NKD1: variants seen among roughly 807,000 people sequenced by gnomAD.
NKD1 encodes NKD inhibitor of Wnt signaling pathway 1.
NKD1 carries 21 observed loss-of-function variants against 56.0 expected under a neutral mutation model. The ratio of observed to expected loss-of-function variants is 0.38; its 90% CI spans 0.27 to 0.54. The LOEUF is 0.54. Among genes scored for constraint, NKD1 ranks in the 20% least tolerant of loss-of-function variants. The probability of loss-of-function intolerance (pLI) is 0.82; values close to 1 mark genes in which losing one functional copy is unlikely to be tolerated. For synonymous variants in NKD1, 263 were observed against 265.7 expected, an observed-to-expected ratio of 0.99 and a Z score of 0.10; for missense variants, 578 against 642.7, an observed-to-expected ratio of 0.90 and a Z score of 1.09.
chr16:50,549,331 C>A (rs1159275470), intron 2 of NKD1, 91 bp from the exon 3 acceptor site: 4 of 1,498,702 alleles, frequency 2.7e-6, no homozygotes, highest in South Asian at 1.3e-5. Flanking sequence ...CGTGGTCCTT[C>A]GCCTCCCACC....
chr16:50,576,099 T>C (rs1274410895), intron 3 of NKD1, among the ~76,000 whole-genome samples: 1 of 152,246 alleles, frequency 6.6e-6, no homozygotes, highest in Non-Finnish European at 1.5e-5. Context: ...GATTCTGAGT[T>C]CCCAGAATTG....
Position 50,600,751 on chromosome 16 carries a change from C to A in NKD1, c.193-7543C>A, listed in dbSNP as rs146669325. The stretch of plus-strand genomic sequence containing the variant: ...AACCCGTCTCTAGGGATTATGAGTA[C>A]CCTGTCGGGTCTCAGGCCTGAGGGC... On this transcript the variant is annotated intron_variant, in intron 3 of 9. Coordinates refer to ENST00000268459, the MANE Select transcript of NKD1 (RefSeq NM_033119.5). Among the ~76,000 whole-genome samples, 1,241 of 152,194 alleles carry A rather than the reference C, an allele frequency of 8.2e-3. 10 individuals are homozygous for A. Among genetic ancestry groups the A allele is most frequent in the Middle Eastern group, 0.017 (5 of 294 alleles).
At chr16:50,625,780 C>T (rs970790481) in intron 6 of NKD1, among the ~76,000 whole-genome samples, 200 bp downstream of exon 6, 1 of 152,228 alleles carries the variant, frequency 6.6e-6, no homozygotes, top group Non-Finnish European at 1.5e-5. Context: ...GAAGAGAAGA[C>T]AGGGAGGGAA....
chr16:50,621,628 G>A lies in NKD1; in HGVS notation c.286G>A (p.Gly96Arg), dbSNP rs1374139269. 4.3e-6 allele frequency: 7 copies of A among 1,613,916 alleles called. No homozygotes were observed. The highest frequency in any genetic ancestry group is 1.1e-5 in the South Asian group (1 of 91,022). The change falls in exon 5 of 10, where the codon GGG (glycine) becomes AGG (arginine). Residue 96 changes from glycine to arginine, a missense_variant. Physicochemically the swap from Gly to Arg is moderately radical, Grantham distance 125 (BLOSUM62 -2). Transcript: ENST00000268459. Reference sequence around the variant, plus strand: ...GGCCCTGCCTCCTGAGAAGACTGACGGGCTGGGCAGCGGAGATGAGAAGAA... The same window carrying A: ...GGCCCTGCCTCCTGAGAAGACTGACAGGCTGGGCAGCGGAGATGAGAAGAA... ...EVALPPEKTD[G>R]LGSGDEKKME...
intron 3 of NKD1, among the ~76,000 whole-genome samples, chr16:50,603,785 G>C: frequency 6.6e-6 from 1 of 152,218 alleles, no homozygotes; most frequent in East Asian, 1.9e-4. Flanking sequence ...CTGGATTCTG[G>C]GCTCTGGACT....
intron 3 of NKD1, among the ~76,000 whole-genome samples, chr16:50,565,808 C>T (rs1960746573): frequency 6.6e-6 from 1 of 152,228 alleles, no homozygotes; most frequent in Non-Finnish European, 1.5e-5. Flanking sequence ...TTAAACTTAT[C>T]TTGGAAATCA....
At chr16:50,552,848 G>C (rs1479314823) in intron 3 of NKD1, among the ~76,000 whole-genome samples, 3 of 152,218 alleles carry the variant, frequency 2.0e-5, no homozygotes, top group Admixed American at 2.0e-4. Context: ...GAGGCTCTCT[G>C]CCTCCCCCAC....
chr16:50,569,234 T>C (rs1177962568), intron 3 of NKD1, among the ~76,000 whole-genome samples: 1 of 152,222 alleles, frequency 6.6e-6, no homozygotes, highest in African/African-American at 2.4e-5. Flanking sequence ...CCTCATACCA[T>C]GCGCTGTGCA....
chr16:50,574,512 T>C, intron 3 of NKD1: 1 of 985,428 alleles, frequency 1.0e-6, no homozygotes, highest in Non-Finnish European at 1.2e-6. Context: ...CTGCTGCTGG[T>C]GGCCGAGGCC....
At chr16:50,581,819 A>G (rs1486814078) in intron 3 of NKD1, among the ~76,000 whole-genome samples, 1 of 152,168 alleles carries the variant, frequency 6.6e-6, no homozygotes, top group Non-Finnish European at 1.5e-5. Context: ...GGAGGGCAGA[A>G]TTGTGTGTGT....
At position 50,637,120 on chromosome 16, in the gene NKD1, G is replaced by C. The variant is rs1484852843; in HGVS notation, c.*3339G>C. 1.3e-5 allele frequency: 2 copies of C among 152,148 alleles called. No homozygotes were observed. The highest frequency in any genetic ancestry group is 4.8e-5 in the African/African-American group (2 of 41,428). 9.4% of individuals were successfully genotyped at this position (152,148 alleles called of 1,614,324 possible). A position where few individuals can be genotyped will look rare whatever the true frequency, so the allele number is the denominator to read the frequency against. ...GTCATAAGGGTCATCTCTCATCCCAGGCTCTGGCGAACACTGTGCTGAGAG... is the reference window on the plus strand; with the variant it reads ...GTCATAAGGGTCATCTCTCATCCCACGCTCTGGCGAACACTGTGCTGAGAG... On this transcript the variant is annotated 3_prime_UTR_variant, in exon 10 of 10. Transcript: ENST00000268459.
chr16:50,623,078 C>G lies in NKD1; in HGVS notation c.366+1370C>G, dbSNP rs567003846. ...GGGGAGCCTTTGGGGTGAGAAGGGC[C>G]TATCAGGCAGAGGGAGCTGCAGGAG... is the stretch of plus-strand genomic sequence containing the variant. On this transcript the variant is annotated intron_variant, in intron 5 of 9. Coordinates refer to ENST00000268459, the MANE Select transcript of NKD1 (RefSeq NM_033119.5). This position sits in a 1 kb window ranked among gnomAD's most constrained non-coding sequence, Gnocchi z 4.1. Among the ~76,000 whole-genome samples the G allele has an allele frequency of 3.3e-5, 5 of 152,210 alleles. No individual in the cohort carries two copies. Among genetic ancestry groups the G allele is most frequent in the African/African-American group, 1.2e-4 (5 of 41,548 alleles).
rs569065277 is a variant in NKD1, at chr16:50,592,668, G to A, written c.193-15626G>A. 2.6e-5 allele frequency among the ~76,000 whole-genome samples: 4 copies of A among 152,240 alleles called. No individual in the cohort carries two copies. In the South Asian group the frequency reaches 8.3e-4, roughly 32 times the overall value. On this transcript the variant is annotated intron_variant, in intron 3 of 9. Coordinates refer to ENST00000268459, the MANE Select transcript of NKD1 (RefSeq NM_033119.5). ...GCAAGGAGGATGCAGAGTGGGGCCC[G>A]CACAGAGCCCGGGGCTCCAGGGATG... is the stretch of plus-strand genomic sequence containing the variant.
intron 3 of NKD1, among the ~76,000 whole-genome samples, chr16:50,597,295 G>A (rs1055635656): frequency 2.0e-5 from 3 of 152,058 alleles, no homozygotes; most frequent in Non-Finnish European, 2.9e-5. Flanking sequence ...GGAAGGCACT[G>A]GGGAGGACAG....
At chr16:50,584,833 C>G (rs994547225) in intron 3 of NKD1, among the ~76,000 whole-genome samples, 1 of 152,160 alleles carries the variant, frequency 6.6e-6, no homozygotes, top group African/African-American at 2.4e-5. Context: ...TGAGTGTGGA[C>G]AGCAGCTTCT....
rs773728194 is a variant in NKD1, at chr16:50,549,510, A to G, written c.147A>G (p.Gly49=). 1 of 1,608,174 alleles carries G rather than the reference A, an allele frequency of 6.2e-7. No individual in the cohort carries two copies. Among genetic ancestry groups the G allele is most frequent in the African/African-American group, 1.3e-5 (1 of 74,552 alleles). The change falls in exon 3 of 10, where the codon GGA becomes GGG. Residue 49 remains glycine, a synonymous_variant. Coordinates refer to ENST00000268459, the MANE Select transcript of NKD1 (RefSeq NM_033119.5). ...AGCGCTGCCCGGGCGGTGTCTCGGG[A>G]CCCCGACAGCTGCGGTTGGCGGGCA... ...GRQRCPGGVS[G]PRQLRLAGTI...
At position 50,567,218 on chromosome 16, in the gene NKD1, G is replaced by C. The variant is rs148513180; in HGVS notation, c.192+17663G>C. Among the ~76,000 whole-genome samples, 3 of 152,298 alleles carry C rather than the reference G, an allele frequency of 2.0e-5. No homozygotes were observed. The East Asian group carries it at 5.8e-4, about 29-fold the overall frequency. ...GTTGTTTCAAAGATTAAATGATGAA[G>C]TAATGCATATGGCCACTGAAGTGTT... On this transcript the variant is annotated intron_variant, in intron 3 of 9. Coordinates refer to ENST00000268459, the MANE Select transcript of NKD1 (RefSeq NM_033119.5).
intron 4 of NKD1, among the ~76,000 whole-genome samples, chr16:50,619,839 A>T (rs886351888): frequency 7.9e-5 from 12 of 152,138 alleles, no homozygotes; most frequent in Non-Finnish European, 1.3e-4. Flanking sequence ...CGTGGAGATG[A>T]CCACTGCCCT....
intron 4 of NKD1, among the ~76,000 whole-genome samples, chr16:50,608,630 A>G (rs1961772226): frequency 6.6e-6 from 1 of 152,190 alleles, no homozygotes. Context: ...GATCTCGGAC[A>G]GGTTGTTGAA....
Sources: allele counts gnomAD v4.1 joint callset (sites outside exome capture counted in the v4.1 genomes callset), GRCh38; gene constraint gnomAD v4.1.1; non-coding constraint Gnocchi (gnomAD v3.1); transcripts MANE v1.5; gene names NCBI Gene and HGNC (gene_info 2026-07-23, HGNC 2026-07-21).